Variants in SYNE2 observed in about 807,000 individuals in gnomAD.
SYNE2 encodes the protein nesprin-2.
Under a neutral mutation model 856.3 loss-of-function variants are expected in SYNE2, and 431 were observed. The ratio of observed to expected loss-of-function variants is 0.50; its 90% CI spans 0.47 to 0.55. SYNE2 has a LOEUF of 0.55. Ranked by LOEUF, SYNE2 falls within the 20% of genes least tolerant of loss-of-function variation. SYNE2 has a pLI of 0.00. For missense variants in SYNE2, 8,129 were observed against 8,023.2 expected, an observed-to-expected ratio of 1.01 and a Z score of -0.50; for synonymous variants, 2,923 against 2,872.3, an observed-to-expected ratio of 1.02 and a Z score of -0.56.
chr14:63,992,760 G>A (rs1401805332), intron 21 of SYNE2, among the ~76,000 whole-genome samples: 2 of 152,198 alleles, frequency 1.3e-5, no homozygotes, highest in African/African-American at 2.4e-5. Flanking sequence ...GGCAGTGGGA[G>A]CTCCCAGCTA....
intron 1 of SYNE2, among the ~76,000 whole-genome samples, chr14:63,864,735 A>C (rs1403681385): frequency 6.6e-6 from 1 of 152,120 alleles, no homozygotes; most frequent in African/African-American, 2.4e-5. Flanking sequence ...GGTAGTGAGG[A>C]CTGGGAGTGG....
rs374449124 is a variant in SYNE2 at position 64,134,220 on chromosome 14, G to T, written c.14646+20G>T. The T allele has an allele frequency of 1.7e-5, 28 of 1,613,284 alleles. No homozygotes were observed. The highest frequency in any genetic ancestry group is 2.2e-5 in the Non-Finnish European group (26 of 1,179,432). ...TACCAGGTATTTGTCTTCCATTTAAGTTATCAAAGGCGTGTCCATAGCACT... is the reference window on the plus strand; with the variant it reads ...TACCAGGTATTTGTCTTCCATTTAATTTATCAAAGGCGTGTCCATAGCACT... On this transcript the variant is annotated intron_variant, in intron 78 of 115. Transcript: ENST00000555002.
At position 64,170,444 on chromosome 14, in the gene SYNE2, T is replaced by C; in HGVS notation, c.17217T>C (p.Ser5739=). ...GCTTCAGCCTCTACCAAACCAGAAG[T>C]CTGATCCATGAGCTGAAGGTAGTGT... ...QERFSLYQTR[S]LIHELKNKEI... is the part of the protein sequence containing the mutation. The change falls in exon 94 of 116, where the codon AGT becomes AGC. Residue 5739 remains serine (S), a synonymous_variant. Transcript: ENST00000555002. The C allele has an allele frequency of 1.9e-6, 3 of 1,612,496 alleles. No individual in the cohort carries two copies. The highest frequency in any genetic ancestry group is 1.7e-6 in the Non-Finnish European group (2 of 1,179,320).
In SYNE2 at chr14:64,003,240, A is replaced by C; in HGVS notation, c.4307A>C (p.Asn1436Thr). ...TTACTAGAGGCTTGTATTTTCAAAAATAATGAACTCCTTAAAAATATTCAA... is the reference window on the plus strand; with the variant it reads ...TTACTAGAGGCTTGTATTTTCAAAACTAATGAACTCCTTAAAAATATTCAA... ...NKLLEACIFKNNELLKNIQDV... is the reference protein window; with the variant it reads ...NKLLEACIFKTNELLKNIQDV... Residue 1436 changes from asparagine (N) to threonine (T), a missense_variant, in exon 30 of 116, where the codon AAT (asparagine) becomes ACT (threonine). Asn to Thr is a moderately conservative substitution (Grantham distance 65). Coordinates refer to ENST00000555002, the MANE Select transcript of SYNE2 (RefSeq NM_182914.3). 1 of 1,613,894 alleles carries C rather than the reference A, an allele frequency of 6.2e-7. No individual in the cohort carries two copies. The highest frequency in any genetic ancestry group is 1.1e-5 in the South Asian group (1 of 91,054).
intron 1 of SYNE2, among the ~76,000 whole-genome samples, chr14:63,866,649 G>A (rs1007244432): frequency 8.5e-5 from 13 of 152,150 alleles, no homozygotes; most frequent in African/African-American, 3.1e-4. Context: ...AAAATTGTAA[G>A]TTCTGTATTT....
At chr14:63,953,180 A>G (rs1264546460) in intron 7 of SYNE2, among the ~76,000 whole-genome samples, 2 of 152,226 alleles carry the variant, frequency 1.3e-5, no homozygotes, top group Non-Finnish European at 2.9e-5. Flanking sequence ...ACAGTTGGCA[A>G]GCAGATTAGG....
rs374133765 is a variant in SYNE2, at chr14:64,216,231, G to A, written c.19403-17G>A. The A allele has an allele frequency of 6.2e-7, 1 of 1,613,968 alleles. No individual in the cohort carries two copies. Among genetic ancestry groups the A allele is most frequent in the South Asian group, 1.1e-5 (1 of 91,078 alleles). On this transcript the variant is annotated splice_polypyrimidine_tract_variant and intron_variant, in intron 107 of 115. Transcript: ENST00000555002. ...AGTAGGAGAGAATAGACTGTCGCTTGCTGTCTTTCGTTTCAGGTAAATCCA... is the reference window on the plus strand; with the variant it reads ...AGTAGGAGAGAATAGACTGTCGCTTACTGTCTTTCGTTTCAGGTAAATCCA...
chr14:63,835,387 C>T (rs1359779303), intron 1 of SYNE2, among the ~76,000 whole-genome samples: 3 of 152,094 alleles, frequency 2.0e-5, no homozygotes, highest in Non-Finnish European at 4.4e-5. Flanking sequence ...TGCCCGCCTC[C>T]ACACCCGCCT....
At chr14:63,874,651 A>G (rs1408732691) in intron 1 of SYNE2, among the ~76,000 whole-genome samples, 1 of 152,208 alleles carries the variant, frequency 6.6e-6, no homozygotes, top group Non-Finnish European at 1.5e-5. Context: ...CCTATTTGCC[A>G]TAACTGCTTT....
intron 50 of SYNE2, among the ~76,000 whole-genome samples, chr14:64,064,897 G>A (rs1451122623): frequency 6.7e-6 from 1 of 149,260 alleles, no homozygotes; most frequent in East Asian, 2.0e-4. Context: ...CTGTTGCCCA[G>A]GCTGGAGTGC....
intron 1 of SYNE2, among the ~76,000 whole-genome samples, chr14:63,816,077 T>A (rs1888976725): frequency 6.6e-6 from 1 of 151,646 alleles, no homozygotes; most frequent in African/African-American, 2.4e-5. Flanking sequence ...GACTCCCAAG[T>A]AGATGGGATT....
At chr14:64,036,199 TAAAAAA>T (rs61627778) in intron 45 of SYNE2, among the ~76,000 whole-genome samples, 2 of 143,934 alleles carry the variant, frequency 1.4e-5, no homozygotes, top group Non-Finnish European at 3.1e-5. Context: ...CTTTTTTACT[TAAAAAA>T]AAAAAAAATC....
chr14:63,843,072 G>C (rs1270314379), intron 1 of SYNE2, among the ~76,000 whole-genome samples: 1 of 151,898 alleles, frequency 6.6e-6, no homozygotes, highest in Non-Finnish European at 1.5e-5. Context: ...CTGTCACCCA[G>C]GCTGGAGTAC....
rs371111645 is a variant in SYNE2 at position 64,052,861 on chromosome 14, A to C, written c.8948A>C (p.Asn2983Thr). 5.6e-6 allele frequency: 9 copies of C among 1,613,710 alleles called. No homozygotes were observed. In the African/African-American group the frequency reaches 6.7e-5, roughly 12 times the overall value. Residue 2983 changes from asparagine (N) to threonine (T), a missense_variant, in exon 48 of 116, where the codon AAT (asparagine) becomes ACT (threonine). By Grantham distance (65) the Asn-to-Thr change is moderately conservative (BLOSUM62 0). This residue lies in a region of SYNE2 where 5,410 missense variants were observed against 5,284.8 expected (regional missense o/e 1.02). Coordinates refer to ENST00000555002, the MANE Select transcript of SYNE2 (RefSeq NM_182914.3). ...AAAGGTGTTAAAGAGGAGATCTATA[A>C]TCTTAAAGACAGACTCACCGCTATT... Reference protein sequence around the residue: ...VNKGVKEEIYNLKDRLTAIKC... With the variant: ...VNKGVKEEIYTLKDRLTAIKC...
At chr14:64,115,576 A>G (rs2097848004) in intron 66 of SYNE2, among the ~76,000 whole-genome samples, 1 of 152,166 alleles carries the variant, frequency 6.6e-6, no homozygotes, top group African/African-American at 2.4e-5. Context: ...GGGGTATGCA[A>G]AGCAGACAGG....
chr14:64,136,645 T>C (rs1043269572), intron 78 of SYNE2, among the ~76,000 whole-genome samples: 1 of 152,224 alleles, frequency 6.6e-6, no homozygotes, highest in Non-Finnish European at 1.5e-5. Context: ...AAGAATTTCA[T>C]TTTTCTTTCC....
intron 1 of SYNE2, among the ~76,000 whole-genome samples, chr14:63,845,481 A>C (rs557899714): frequency 6.0e-5 from 9 of 151,240 alleles, no homozygotes; most frequent in African/African-American, 1.7e-4. Context: ...CAATGGCTAT[A>C]CTTCTCTTAT....
rs1896851651 is a variant in SYNE2, at chr14:63,871,535, C to G, written c.-52+18392C>G. On this transcript the variant is annotated intron_variant, in intron 1 of 115. Transcript: ENST00000555002. ...ATTTGAATTTTTTAAAAAAATTCCA[C>G]TAGAACAAGTATTTCCTTAACATTC... Among the ~76,000 whole-genome samples, 7 of 151,092 alleles carry G rather than the reference C, an allele frequency of 4.6e-5. No individual in the cohort carries two copies. In the Admixed American group the frequency reaches 4.6e-4, roughly 10 times the overall value.
chr14:64,097,441 G>T (rs754037820), intron 61 of SYNE2, among the ~76,000 whole-genome samples: 2 of 152,210 alleles, frequency 1.3e-5, no homozygotes, highest in Non-Finnish European at 2.9e-5. Context: ...CCAAATGTTA[G>T]TCTGCTTAAG....
Sources: gnomAD v4.1 joint callset for allele counts (sites outside exome capture counted in the v4.1 genomes callset) on GRCh38, gnomAD v4.1.1 for gene constraint, gnomAD v4.1.1 regional missense constraint, MANE v1.5 for transcripts, NCBI Gene and HGNC (gene_info 2026-07-23, HGNC 2026-07-21) for gene names.